OR2H2: variants seen among roughly 807,000 people sequenced by gnomAD.
OR2H2 encodes the protein olfactory receptor 2H2.
For missense variants in OR2H2, 295 were observed against 313.7 expected (o/e 0.94, Z 0.45); for synonymous variants, 146 against 132.4 (o/e 1.10, Z -0.71).
chr6:29,588,014 A>G lies in OR2H2; in HGVS notation c.70A>G (p.Thr24Ala). Reference protein sequence around the residue: ...GFSEHPGLERTLFVVVLTSYL... With the variant: ...GFSEHPGLERALFVVVLTSYL... ...CTCTGAACACCCAGGGCTGGAAAGG[A>G]CTCTCTTCGTGGTTGTCCTCACTTC... Residue 24 changes from threonine to alanine, a missense_variant, in exon 2 of 2, where the codon ACT becomes GCT. By Grantham distance (58) the Thr-to-Ala change is moderately conservative. Coordinates refer to ENST00000641840, the MANE Select transcript of OR2H2 (RefSeq NM_007160.4). 1 of 994,870 alleles carries G rather than the reference A, an allele frequency of 1.0e-6. No individual in the cohort carries two copies. Among genetic ancestry groups the G allele is most frequent in the East Asian group, 2.4e-5 (1 of 42,324 alleles). 61.6% of individuals were successfully genotyped at this position (994,870 alleles called of 1,614,324 possible).
Position 29,588,888 on chromosome 6 carries a change from G to C in OR2H2, c.*5G>C, listed in dbSNP as rs377015654. On this transcript the variant is annotated 3_prime_UTR_variant, in exon 2 of 2. Coordinates refer to ENST00000641840, the MANE Select transcript of OR2H2 (RefSeq NM_007160.4). ...ATGGGGCTCACACAAAGCTGAGGGAGAGCTGCTTAATGTGCTTTAAAAGAG... is the reference window on the plus strand; with the variant it reads ...ATGGGGCTCACACAAAGCTGAGGGACAGCTGCTTAATGTGCTTTAAAAGAG... 1.3e-6 allele frequency: 1 copy of C among 786,904 alleles called. No individual in the cohort carries two copies. The highest frequency in any genetic ancestry group is 2.4e-6 in the Non-Finnish European group (1 of 424,830). The allele number at this position is 786,904 out of a possible 1,614,324, so 48.7% of individuals were successfully genotyped here.
intron 1 of OR2H2, among the ~76,000 whole-genome samples, chr6:29,586,733 A>C (rs989303991): frequency 2.0e-5 from 3 of 152,236 alleles, no homozygotes; most frequent in African/African-American, 4.8e-5. Context: ...AGTCCTGGCA[A>C]AAAGGGAGAT....
chr6:29,587,826 C>T lies in OR2H2; in HGVS notation c.-119C>T. On this transcript the variant is annotated 5_prime_UTR_variant, in exon 2 of 2. Coordinates refer to ENST00000641840, the MANE Select transcript of OR2H2 (RefSeq NM_007160.4). ...GAAAGGGAGGCTGGGCGAGCAGAGA[C>T]AGAAGAGAAACACCTACCTGCTGTG... is the stretch of plus-strand genomic sequence containing the variant. 1.5e-6 allele frequency: 1 copy of T among 667,754 alleles called. No individual in the cohort carries two copies. The highest frequency in any genetic ancestry group is 2.5e-5 in the East Asian group (1 of 40,164). 41.4% of individuals were successfully genotyped at this position (667,754 alleles called of 1,614,324 possible).
Position 29,588,093 on chromosome 6 carries a change from A to G in OR2H2, c.149A>G (p.Asp50Gly), listed in dbSNP as rs779627162. 1 of 956,568 alleles carries G rather than the reference A, an allele frequency of 1.0e-6. No individual in the cohort carries two copies. The highest frequency in any genetic ancestry group is 2.4e-5 in the East Asian group (1 of 42,054). The allele number at this position is 956,568 out of a possible 1,614,324, so 59.3% of individuals were successfully genotyped here. ...CTCATCATCCTGCTGTCTGCGCTGG[A>G]CCCCAAGCTCCACTCTCCAATGTAC... ...NTLIILLSAL[D>G]PKLHSPMYFF... Residue 50 changes from aspartate to glycine, a missense_variant, in exon 2 of 2, where the codon GAC becomes GGC. Physicochemically the swap from Asp to Gly is moderately conservative, Grantham distance 94 (BLOSUM62 -1). Transcript: ENST00000641840.
At position 29,588,190 on chromosome 6, in the gene OR2H2, C is replaced by T. The variant is rs767416431; in HGVS notation, c.246C>T (p.Asn82=). The stretch of plus-strand genomic sequence containing the variant: ...GTTGTGTTCCCCAAATGCTGGTCAA[C>T]CTCTGGGGCCCAAAGAAGACCATCA... The part of the protein sequence containing the change: ...TTSCVPQMLV[N]LWGPKKTISF... Residue 82 remains asparagine (N), a synonymous_variant, in exon 2 of 2, where the codon AAC becomes AAT. Transcript: ENST00000641840. 7 of 1,477,576 alleles carry T rather than the reference C, an allele frequency of 4.7e-6. No individual in the cohort carries two copies. In the East Asian group the frequency reaches 1.6e-4, roughly 33 times the overall value. The allele number at this position is 1,477,576 out of a possible 1,614,324, so 91.5% of individuals were successfully genotyped here. A position where few individuals can be genotyped will look rare whatever the true frequency, so the allele number is the denominator to read the frequency against.
chr6:29,585,493 T>G (rs939664653), intron 1 of OR2H2, 143 bp downstream of exon 1: 1 of 152,326 alleles, frequency 6.6e-6, no homozygotes, highest in Non-Finnish European at 1.5e-5. Flanking sequence ...AAGTCTCTTG[T>G]CCCGTCTGTG....
Position 29,588,238 on chromosome 6 carries a change from G to A in OR2H2, c.294G>A (p.Gln98=). Reference sequence around the variant, plus strand: ...TCAGCTTCCTGGACTGCTCTGTCCAGATCTTCATCTTCCTGTCCCTGGGGA... The same window carrying A: ...TCAGCTTCCTGGACTGCTCTGTCCAAATCTTCATCTTCCTGTCCCTGGGGA... ...KTISFLDCSV[Q]IFIFLSLGTT... is the part of the protein sequence containing the mutation. The change falls in exon 2 of 2, where the codon CAG becomes CAA. Residue 98 remains glutamine, a synonymous_variant. Coordinates refer to ENST00000641840, the MANE Select transcript of OR2H2 (RefSeq NM_007160.4). The A allele has an allele frequency of 1.3e-6, 2 of 1,568,726 alleles. No homozygotes were observed. The highest frequency in any genetic ancestry group is 1.3e-5 in the African/African-American group (1 of 74,074).
chr6:29,587,594 C>T, intron 1 of OR2H2, 76 bp from the exon 2 acceptor site: 1 of 250,404 alleles, frequency 4.0e-6, no homozygotes, highest in Non-Finnish European at 7.6e-6. Context: ...CATAGTGGCA[C>T]TCAATAAATT....
chr6:29,588,140 T>G lies in OR2H2; in HGVS notation c.196T>G (p.Phe66Val). 8.6e-7 allele frequency: 1 copy of G among 1,166,030 alleles called. No homozygotes were observed. The highest frequency in any genetic ancestry group is 1.3e-6 in the Non-Finnish European group (1 of 771,072). 72.2% of individuals were successfully genotyped at this position (1,166,030 alleles called of 1,614,324 possible). Residue 66 changes from phenylalanine to valine, a missense_variant, in exon 2 of 2, where the codon TTC (phenylalanine) becomes GTC (valine). By Grantham distance (50) the Phe-to-Val change is conservative (BLOSUM62 -1). Coordinates refer to ENST00000641840, the MANE Select transcript of OR2H2 (RefSeq NM_007160.4). ...PMYFFLSNLS[F>V]LDLCFTTSCV... ...GTACTTTTTCCTCTCCAACCTCTCC[T>G]TCTTGGACCTCTGTTTCACCACGAG...
At position 29,587,987 on chromosome 6, in the gene OR2H2, T is replaced by G; in HGVS notation, c.43T>G (p.Phe15Val). The change falls in exon 2 of 2, where the codon TTC becomes GTC. Residue 15 changes from phenylalanine to valine, a missense_variant. By Grantham distance (50) the Phe-to-Val change is conservative. Coordinates refer to ENST00000641840, the MANE Select transcript of OR2H2 (RefSeq NM_007160.4). ...SSTPGFLLLG[F>V]SEHPGLERTL... ...CACACCGGGCTTCCTCCTTCTGGGCTTCTCTGAACACCCAGGGCTGGAAAG... is the reference window on the plus strand; with the variant it reads ...CACACCGGGCTTCCTCCTTCTGGGCGTCTCTGAACACCCAGGGCTGGAAAG... 1.0e-6 allele frequency: 1 copy of G among 1,002,456 alleles called. No homozygotes were observed. The highest frequency in any genetic ancestry group is 1.6e-6 in the Non-Finnish European group (1 of 619,744). The allele number at this position is 1,002,456 out of a possible 1,614,324, so 62.1% of individuals were successfully genotyped here.
chr6:29,589,634 G>A lies in OR2H2; in HGVS notation c.*751G>A, dbSNP rs750001943. On this transcript the variant is annotated 3_prime_UTR_variant, in exon 2 of 2. Transcript: ENST00000641840. ...ATTGTGGACCTTGGTGTCATCTACCGGCCAAATATGGTATTGCATGTGACA... is the reference window on the plus strand; with the variant it reads ...ATTGTGGACCTTGGTGTCATCTACCAGCCAAATATGGTATTGCATGTGACA... 6.6e-6 allele frequency: 1 copy of A among 152,174 alleles called. No homozygotes were observed. Among genetic ancestry groups the A allele is most frequent in the African/African-American group, 2.4e-5 (1 of 41,434 alleles). 9.4% of individuals were successfully genotyped at this position (152,174 alleles called of 1,614,324 possible).
In OR2H2 at chr6:29,587,974, C is replaced by A; in HGVS notation, c.30C>A (p.Phe10Leu). The A allele has an allele frequency of 1.0e-6, 1 of 968,950 alleles. No individual in the cohort carries two copies. Among genetic ancestry groups the A allele is most frequent in the Non-Finnish European group, 1.7e-6 (1 of 589,346 alleles). 60.0% of individuals were successfully genotyped at this position (968,950 alleles called of 1,614,324 possible). MVNQSSTPG[F>L]LLLGFSEHPG... ...TTAACCAAAGCTCCACACCGGGCTTCCTCCTTCTGGGCTTCTCTGAACACC... is the reference window on the plus strand; with the variant it reads ...TTAACCAAAGCTCCACACCGGGCTTACTCCTTCTGGGCTTCTCTGAACACC... The change falls in exon 2 of 2, where the codon TTC (phenylalanine) becomes TTA (leucine). Residue 10 changes from phenylalanine (F) to leucine (L), a missense_variant. By Grantham distance (22) the Phe-to-Leu change is conservative. Transcript: ENST00000641840.
Position 29,588,226 on chromosome 6 carries a change from C to T in OR2H2, c.282C>T (p.Asp94=). 1 of 1,543,740 alleles carries T rather than the reference C, an allele frequency of 6.5e-7. No homozygotes were observed. Among genetic ancestry groups the T allele is most frequent in the Non-Finnish European group, 9.0e-7 (1 of 1,116,886 alleles). The change falls in exon 2 of 2, where the codon GAC becomes GAT. Residue 94 remains aspartate (D), a synonymous_variant. Coordinates refer to ENST00000641840, the MANE Select transcript of OR2H2 (RefSeq NM_007160.4). ...WGPKKTISFL[D]CSVQIFIFLS... is the part of the protein sequence containing the mutation. Reference sequence around the variant, plus strand: ...CAAAGAAGACCATCAGCTTCCTGGACTGCTCTGTCCAGATCTTCATCTTCC... The same window carrying T: ...CAAAGAAGACCATCAGCTTCCTGGATTGCTCTGTCCAGATCTTCATCTTCC...
At chr6:29,587,460 T>C (rs974620190) in intron 1 of OR2H2, 1 of 157,714 alleles carries the variant, frequency 6.3e-6, no homozygotes, top group Non-Finnish European at 1.4e-5. Flanking sequence ...CAGAGTTCTA[T>C]AAAATTCATT....
rs766137846 is a variant in OR2H2, at chr6:29,588,846, G to T, written c.902G>T (p.Arg301Ile). The T allele has an allele frequency of 2.4e-6, 2 of 826,110 alleles. No individual in the cohort carries two copies. The highest frequency in any genetic ancestry group is 4.3e-6 in the Non-Finnish European group (2 of 460,440). The allele number at this position is 826,110 out of a possible 1,614,324, so 51.2% of individuals were successfully genotyped here. A position where few individuals can be genotyped will look rare whatever the true frequency, so the allele number is the denominator to read the frequency against. ...AAGGAGGTAACCAGGGCATTCAGGA[G>T]ATTGCTGGGGAAGGAAATGGGGCTC... ...RNKEVTRAFR[R>I]LLGKEMGLTQ... Residue 301 changes from arginine to isoleucine, a missense_variant, in exon 2 of 2, where the codon AGA becomes ATA. By Grantham distance (97) the Arg-to-Ile change is moderately conservative (BLOSUM62 -3). Transcript: ENST00000641840.
chr6:29,587,177 T>C (rs557804224), intron 1 of OR2H2, among the ~76,000 whole-genome samples: 41 of 152,316 alleles, frequency 2.7e-4, no homozygotes, highest in African/African-American at 9.1e-4. Flanking sequence ...ATAATGTTCC[T>C]GTGAACCCTG....
intron 1 of OR2H2, among the ~76,000 whole-genome samples, chr6:29,587,212 C>T (rs2127358165): frequency 6.6e-6 from 1 of 152,284 alleles, no homozygotes. Context: ...CTTGTGGCCA[C>T]TCTTGCCTCC....
chr6:29,589,535 T>C lies in OR2H2; in HGVS notation c.*652T>C, dbSNP rs1336366571. The stretch of plus-strand genomic sequence containing the variant: ...AGCTTCTTCAGTCCTATTTCTTCTC[T>C]TACAATGCCCACAAATCGCAGGTAA... On this transcript the variant is annotated 3_prime_UTR_variant, in exon 2 of 2. Coordinates refer to ENST00000641840, the MANE Select transcript of OR2H2 (RefSeq NM_007160.4). 1 of 152,264 alleles carries C rather than the reference T, an allele frequency of 6.6e-6. No homozygotes were observed. Among genetic ancestry groups the C allele is most frequent in the East Asian group, 1.9e-4 (1 of 5,202 alleles). The allele number at this position is 152,264 out of a possible 1,614,324, so 9.4% of individuals were successfully genotyped here.
rs1261375960 is a variant in OR2H2 at position 29,586,234 on chromosome 6, T to C, written c.-276+884T>C. On this transcript the variant is annotated intron_variant, in intron 1 of 1. Transcript: ENST00000641840. ...GGCCAGGCACAGTGACTCATGCCTG[T>C]AATCCCAGCACTTTGGGAGGCCGAG... Among the ~76,000 whole-genome samples the C allele has an allele frequency of 7.2e-5, 11 of 152,206 alleles. No individual in the cohort carries two copies. In the East Asian group the frequency reaches 2.1e-3, roughly 29 times the overall value.
Sources: gnomAD v4.1 joint callset for allele counts (sites outside exome capture counted in the v4.1 genomes callset) on GRCh38, gnomAD v4.1.1 for gene constraint, MANE v1.5 for transcripts, NCBI Gene and HGNC (gene_info 2026-07-23, HGNC 2026-07-21) for gene names.